EDIL3: variants seen among roughly 807,000 people sequenced by gnomAD.
The protein encoded by EDIL3 is EGF like and discoidin domains 3.
In EDIL3, 37 loss-of-function variants were observed where a neutral mutation model predicts 67.4. That is an observed-to-expected ratio of 0.55 (90% CI 0.42 to 0.72). The LOEUF (loss-of-function observed/expected upper bound fraction) is 0.72, where lower values mean the gene tolerates loss of function less well. Ranked by LOEUF, EDIL3 falls within the 30% of genes least tolerant of loss-of-function variation. The pLI is 0.00. For missense variants in EDIL3, 527 were observed against 586.3 expected, an observed-to-expected ratio of 0.90 and a Z score of 1.04; for synonymous variants, 195 against 196.3, an observed-to-expected ratio of 0.99 and a Z score of 0.05.
intron 5 of EDIL3, among the ~76,000 whole-genome samples, chr5:84,109,327 GA>G (rs553866196): frequency 0.02 from 2,983 of 152,238 alleles, 44 homozygotes; most frequent in Non-Finnish European, 0.028. Context: ...CCAACATGGT[GA>G]AACCCTGTCT....
At chr5:84,130,134 G>A (rs772955637) in intron 5 of EDIL3, among the ~76,000 whole-genome samples, 5 of 151,984 alleles carry the variant, frequency 3.3e-5, no homozygotes, top group African/African-American at 4.8e-5. Context: ...TTATGGTCTC[G>A]GCTTTCATGC....
intron 1 of EDIL3, among the ~76,000 whole-genome samples, chr5:84,259,141 A>G (rs897022906): frequency 1.3e-5 from 2 of 151,834 alleles, no homozygotes; most frequent in Non-Finnish European, 2.9e-5. Flanking sequence ...CTGTATTTTT[A>G]GTAGAGACAG....
chr5:84,090,299 T>G (rs1325351545), intron 6 of EDIL3, among the ~76,000 whole-genome samples: 1 of 152,218 alleles, frequency 6.6e-6, no homozygotes, highest in East Asian at 1.9e-4. Context: ...TTAAAATGTT[T>G]CACACTGATG....
intron 6 of EDIL3, among the ~76,000 whole-genome samples, chr5:84,079,602 A>G (rs1329615798): frequency 6.6e-6 from 1 of 152,038 alleles, no homozygotes; most frequent in Non-Finnish European, 1.5e-5. Context: ...AGTGAAAACA[A>G]TTCTCCTACT....
intron 1 of EDIL3, among the ~76,000 whole-genome samples, chr5:84,265,102 T>C (rs1313223959): frequency 5.3e-5 from 8 of 152,202 alleles, no homozygotes. Flanking sequence ...ATATCAATTT[T>C]TCAGGCAGAA....
At chr5:84,279,760 G>A (rs886432842) in intron 1 of EDIL3, among the ~76,000 whole-genome samples, 2 of 152,098 alleles carry the variant, frequency 1.3e-5, no homozygotes, top group African/African-American at 2.4e-5. Flanking sequence ...TATTTCTTCC[G>A]CCCTCTCTGC....
chr5:84,007,664 A>G (rs745399208), intron 9 of EDIL3, among the ~76,000 whole-genome samples: 12 of 152,180 alleles, frequency 7.9e-5, no homozygotes, highest in Non-Finnish European at 1.5e-4. Flanking sequence ...GGGAACCCTC[A>G]TACACTATTG....
chr5:84,297,102 A>C (rs1171199530), intron 1 of EDIL3, among the ~76,000 whole-genome samples: 1 of 149,982 alleles, frequency 6.7e-6, no homozygotes, highest in East Asian at 2.0e-4. Flanking sequence ...GAATGGTGTG[A>C]ACCCAGGAGG....
chr5:84,154,094 G>A (rs1329710378), intron 4 of EDIL3, among the ~76,000 whole-genome samples: 1 of 152,156 alleles, frequency 6.6e-6, no homozygotes, highest in Non-Finnish European at 1.5e-5. Context: ...CTCCTTTGCT[G>A]TGATGATGGA....
At chr5:84,318,460 T>C (rs1466223012) in intron 1 of EDIL3, among the ~76,000 whole-genome samples, 1 of 152,018 alleles carries the variant, frequency 6.6e-6, no homozygotes, top group Non-Finnish European at 1.5e-5. Flanking sequence ...AAAACAGATA[T>C]ATAGACCAAT....
At chr5:84,137,885 T>C (rs1025511236) in intron 4 of EDIL3, among the ~76,000 whole-genome samples, 7 of 152,322 alleles carry the variant, frequency 4.6e-5, no homozygotes, top group Non-Finnish European at 1.0e-4. Context: ...CAAAGTATAA[T>C]AAATGTAAAT....
intron 4 of EDIL3, among the ~76,000 whole-genome samples, chr5:84,162,218 C>T (rs1355167116): frequency 6.6e-6 from 1 of 152,082 alleles, no homozygotes; most frequent in Non-Finnish European, 1.5e-5. Flanking sequence ...GGGAATAAGT[C>T]TCCAGGTGGG....
chr5:84,075,954 T>C lies in EDIL3; in HGVS notation c.652-9348A>G, dbSNP rs942806149. On this transcript the variant is annotated intron_variant, in intron 6 of 10. Transcript: ENST00000296591. ...CACGTGCCATTGTGGGTTTTATATA[T>C]ATATATATATATATAAATATTTATC... Among the ~76,000 whole-genome samples the C allele has an allele frequency of 1.6e-4, 24 of 146,140 alleles. No homozygotes were observed. The South Asian group carries it at 5.0e-3, about 31-fold the overall frequency.
chr5:84,086,962 C>T lies in EDIL3; in HGVS notation c.651+19687G>A, dbSNP rs1747085114. ...GAGGGGAGAAGAGGATGTGTGGATA[C>T]TCTCTGTTAAAAAAAAATTCCTAGG... is the stretch of plus-strand genomic sequence containing the variant. On this transcript the variant is annotated intron_variant, in intron 6 of 10. Coordinates refer to ENST00000296591, the MANE Select transcript of EDIL3 (RefSeq NM_005711.5). Among the ~76,000 whole-genome samples the T allele has an allele frequency of 3.3e-5, 5 of 152,070 alleles. 1 individual carries two copies. In the South Asian group the frequency reaches 1.0e-3, roughly 32 times the overall value.
At chr5:84,354,565 G>A (rs1747437261) in intron 1 of EDIL3, among the ~76,000 whole-genome samples, 1 of 151,012 alleles carries the variant, frequency 6.6e-6, no homozygotes, top group Non-Finnish European at 1.5e-5. Context: ...GCTGAGGCAG[G>A]AGAATTGCTT....
chr5:83,995,148 A>ACG (rs1361048598), intron 9 of EDIL3, among the ~76,000 whole-genome samples: 111 of 87,210 alleles, frequency 1.3e-3, no homozygotes, highest in African/African-American at 6.0e-3. Flanking sequence ...ATACACACGC[A>ACG]CACACACATA....
chr5:84,287,533 T>C (rs1561246091), intron 1 of EDIL3, among the ~76,000 whole-genome samples: 1 of 152,178 alleles, frequency 6.6e-6, no homozygotes, highest in Non-Finnish European at 1.5e-5. Context: ...GGTTGAATTT[T>C]GAAATTAATG....
chr5:84,367,648 T>C (rs763463132), intron 1 of EDIL3, among the ~76,000 whole-genome samples: 7 of 152,106 alleles, frequency 4.6e-5, no homozygotes, highest in Admixed American at 6.5e-5. Flanking sequence ...CTGGGCATGG[T>C]GGCACATGCC....
At chr5:84,259,587 C>T (rs1202200021) in intron 1 of EDIL3, among the ~76,000 whole-genome samples, 1 of 152,130 alleles carries the variant, frequency 6.6e-6, no homozygotes, top group African/African-American at 2.4e-5. Context: ...TTCCCAGGGG[C>T]AAGAAATCAT....
Sources: allele counts gnomAD v4.1 joint callset (sites outside exome capture counted in the v4.1 genomes callset), GRCh38; gene constraint gnomAD v4.1.1; transcripts MANE v1.5; gene names NCBI Gene and HGNC (gene_info 2026-07-23, HGNC 2026-07-21).